The following GZMA variants were observed in gnomAD, a reference collection of about 807,000 sequenced individuals.
GZMA encodes CTL tryptase.
In GZMA, 17 loss-of-function variants were observed where a neutral mutation model predicts 21.1. The ratio of observed to expected loss-of-function variants is 0.81; its 90% confidence interval spans 0.55 to 1.21. GZMA has a LOEUF of 1.21. Ranked by LOEUF, GZMA falls within the 50% of genes most tolerant of loss-of-function variation. GZMA has a pLI of 0.00. For missense variants in GZMA, 306 were observed against 315.9 expected, an observed-to-expected ratio of 0.97 and a Z score of 0.24; for synonymous variants, 90 against 107.8, an observed-to-expected ratio of 0.83 and a Z score of 1.03.
In GZMA at chr5:55,109,078, T is replaced by C. The variant is rs1172074005; in HGVS notation, c.627+684T>C. Among the ~76,000 whole-genome samples the C allele has an allele frequency of 2.0e-5, 3 of 152,308 alleles. No homozygotes were observed. In the South Asian group the frequency reaches 6.2e-4, roughly 32 times the overall value. On this transcript the variant is annotated intron_variant, in intron 4 of 4. Transcript: ENST00000274306. ...TTTGTCCCAAAGACCCTATAGAGCC[T>C]TACCTGAAGAAGGGTGTGCAGTATG...
intron 1 of GZMA, among the ~76,000 whole-genome samples, chr5:55,103,149 G>T (rs1327266061): frequency 1.3e-5 from 2 of 152,050 alleles, no homozygotes; most frequent in African/African-American, 4.8e-5. Context: ...TTGCCAAAAA[G>T]GACAATGTAA....
intron 2 of GZMA, among the ~76,000 whole-genome samples, chr5:55,106,301 T>TAAAATAAAAAAAATAA (rs1237092614): frequency 1.1e-3 from 1 of 902 alleles, no homozygotes; most frequent in African/African-American, 1.4e-3. Context: ...TAAAATAAAA[T>TAAAATAAAAAAAATAA]ATAAAATAAA....
Position 55,107,890 on chromosome 5 carries a change from A to G in GZMA, c.312A>G (p.Pro104=). 1 of 1,613,246 alleles carries G rather than the reference A, an allele frequency of 6.2e-7. No individual in the cohort carries two copies. The highest frequency in any genetic ancestry group is 1.1e-5 in the South Asian group (1 of 91,060). The change falls in exon 3 of 5, where the codon CCA becomes CCG. Residue 104 remains proline (P), a synonymous_variant. Transcript: ENST00000274306. ...IMLVKKEFPY[P]CYDPATREGD... The stretch of plus-strand genomic sequence containing the variant: ...TTGTTAAGAAAGAGTTTCCCTATCC[A>G]TGCTATGACCCAGCCACACGCGAAG...
chr5:55,105,523 A>T lies in GZMA; in HGVS notation c.120A>T (p.Arg40Ser). ...GAAATGAAGTAACTCCTCATTCAAG[A>T]CCCTACATGGTCCTACTTAGTCTTG... is the stretch of plus-strand genomic sequence containing the variant. ...IGGNEVTPHS[R>S]PYMVLLSLDR... The change falls in exon 2 of 5, where the codon AGA (arginine) becomes AGT (serine). Residue 40 changes from arginine (R) to serine (S), a missense_variant. Arg to Ser is a moderately radical substitution (Grantham distance 110, BLOSUM62 -1). Coordinates refer to ENST00000274306, the MANE Select transcript of GZMA (RefSeq NM_006144.4). The T allele has an allele frequency of 6.2e-7, 1 of 1,611,774 alleles. No individual in the cohort carries two copies. The highest frequency in any genetic ancestry group is 8.5e-7 in the Non-Finnish European group (1 of 1,178,040).
Position 55,110,219 on chromosome 5 carries a change from C to G in GZMA, c.*37C>G. The G allele has an allele frequency of 6.8e-7, 1 of 1,463,160 alleles. No individual in the cohort carries two copies. Among genetic ancestry groups the G allele is most frequent in the Non-Finnish European group, 9.3e-7 (1 of 1,074,418 alleles). 90.6% of individuals were successfully genotyped at this position (1,463,160 alleles called of 1,614,324 possible). A position where few individuals can be genotyped will look rare whatever the true frequency, so the allele number is the denominator to read the frequency against. On this transcript the variant is annotated 3_prime_UTR_variant, in exon 5 of 5. Coordinates refer to ENST00000274306, the MANE Select transcript of GZMA (RefSeq NM_006144.4). ...CTTTCATTTACTGTGGCTTCTTAATCTTTTCACAAATAAAATCAATTTGCA... is the reference window on the plus strand; with the variant it reads ...CTTTCATTTACTGTGGCTTCTTAATGTTTTCACAAATAAAATCAATTTGCA...
intron 1 of GZMA, 60 bp from the exon 2 acceptor site, chr5:55,105,414 C>G: frequency 6.8e-7 from 1 of 1,472,156 alleles, no homozygotes; most frequent in Non-Finnish European, 9.3e-7. Flanking sequence ...AGAAACATGA[C>G]TTTGTGTAGA....
chr5:55,109,650 T>C (rs1195491152), intron 4 of GZMA, among the ~76,000 whole-genome samples: 1 of 152,228 alleles, frequency 6.6e-6, no homozygotes, highest in East Asian at 1.9e-4. Context: ...CCACAAAACA[T>C]AGTGTTTATT....
chr5:55,110,006 CTT>C lies in GZMA; in HGVS notation c.628-14_628-13del, dbSNP rs1742473798. 3 of 1,581,342 alleles carry C rather than the reference CTT, an allele frequency of 1.9e-6. No homozygotes were observed. Among genetic ancestry groups the C allele is most frequent in the African/African-American group, 2.7e-5 (2 of 73,370 alleles). On this transcript the variant is annotated splice_polypyrimidine_tract_variant and intron_variant, in intron 4 of 4. Transcript: ENST00000274306. The stretch of plus-strand genomic sequence containing the variant: ...AACACTGACCCCACACCCTACCCCT[CTT>C]GTTTTCCTCCAGGGAGATTCTGGAA...
chr5:55,109,600 G>T (rs1742468115), intron 4 of GZMA, among the ~76,000 whole-genome samples: 1 of 152,158 alleles, frequency 6.6e-6, no homozygotes, highest in Non-Finnish European at 1.5e-5. Context: ...GGACTGATTT[G>T]GTTTTGTTTC....
intron 4 of GZMA, among the ~76,000 whole-genome samples, chr5:55,109,519 T>A (rs1742466930): frequency 6.6e-6 from 1 of 152,236 alleles, no homozygotes; most frequent in Non-Finnish European, 1.5e-5. Context: ...ATAAACCTGT[T>A]CAGGGAGGAT....
At position 55,107,905 on chromosome 5, in the gene GZMA, C is replaced by A. The variant is rs1345796411; in HGVS notation, c.327C>A (p.Ala109=). 1.2e-6 allele frequency: 2 copies of A among 1,613,058 alleles called. No individual in the cohort carries two copies. The highest frequency in any genetic ancestry group is 2.7e-5 in the African/African-American group (2 of 74,874). ...TTCCCTATCCATGCTATGACCCAGC[C>A]ACACGCGAAGGTGACCTTAAACTTT... ...KEFPYPCYDP[A]TREGDLKLLQ... The change falls in exon 3 of 5, where the codon GCC becomes GCA. Residue 109 remains alanine, a synonymous_variant. Coordinates refer to ENST00000274306, the MANE Select transcript of GZMA (RefSeq NM_006144.4).
chr5:55,104,920 T>C (rs1326065991), intron 1 of GZMA, among the ~76,000 whole-genome samples: 1 of 152,212 alleles, frequency 6.6e-6, no homozygotes. Context: ...TCTTAACTTA[T>C]GAGTGAGAAC....
intron 4 of GZMA, 93 bp downstream of exon 4, chr5:55,108,487 G>T (rs1301324028): frequency 9.9e-7 from 1 of 1,014,532 alleles, no homozygotes; most frequent in Non-Finnish European, 1.5e-6. Context: ...CATGGCACTG[G>T]CTTCTACAGG....
intron 4 of GZMA, 68 bp from the exon 5 acceptor site, chr5:55,109,953 T>A (rs1358038103): frequency 8.5e-7 from 1 of 1,180,560 alleles, no homozygotes; most frequent in African/African-American, 1.6e-5. Context: ...GCTGCAGAAT[T>A]TCTTCCATTT....
intron 3 of GZMA, 83 bp downstream of exon 3, chr5:55,108,018 C>T (rs977607957): frequency 1.4e-6 from 2 of 1,420,624 alleles, no homozygotes; most frequent in Admixed American, 3.8e-5. Context: ...CCTTGGTGCC[C>T]CTGTTGTAAA....
chr5:55,106,227 T>C (rs112719303), intron 2 of GZMA, among the ~76,000 whole-genome samples: 9 of 422 alleles, frequency 0.021, 4 homozygotes, highest in Non-Finnish European at 0.027. Flanking sequence ...AAAAATAAAA[T>C]AAAATAAAAT....
At position 55,102,652 on chromosome 5, in the gene GZMA, T is replaced by G; in HGVS notation, c.-31T>G. ...GCAGTTAAGAACTGAAAACAGATTT[T>G]CAGGTTGATTGATGTGGGACAGCAG... On this transcript the variant is annotated 5_prime_UTR_variant, in exon 1 of 5. Coordinates refer to ENST00000274306, the MANE Select transcript of GZMA (RefSeq NM_006144.4). The G allele has an allele frequency of 7.1e-7, 1 of 1,409,616 alleles. No individual in the cohort carries two copies. 87.3% of individuals were successfully genotyped at this position (1,409,616 alleles called of 1,614,324 possible).
At chr5:55,107,495 G>T (rs1742433733) in intron 2 of GZMA, among the ~76,000 whole-genome samples, 1 of 152,196 alleles carries the variant, frequency 6.6e-6, no homozygotes, top group South Asian at 2.1e-4. Flanking sequence ...TAAGGCAGGG[G>T]TAGGGGGCAG....
intron 4 of GZMA, among the ~76,000 whole-genome samples, chr5:55,108,705 G>T (rs564455005): frequency 6.6e-6 from 1 of 152,312 alleles, no homozygotes; most frequent in Admixed American, 6.5e-5. Context: ...TAAACTTGAA[G>T]ATATACAACA....
Sources: gnomAD v4.1 joint callset for allele counts (sites outside exome capture counted in the v4.1 genomes callset) on GRCh38, gnomAD v4.1.1 for gene constraint, MANE v1.5 for transcripts, NCBI Gene and HGNC (gene_info 2026-07-23, HGNC 2026-07-21) for gene names.